ZBTB4: variants seen among roughly 807,000 people sequenced by gnomAD.
The protein encoded by ZBTB4 is zinc finger and BTB domain containing 4, also known as zinc finger and BTB domain-containing protein 4.
Under a neutral mutation model 59.8 loss-of-function variants are expected in ZBTB4, and 14 were observed. The ratio of observed to expected loss-of-function variants is 0.23; its 90% CI spans 0.15 to 0.37. The LOEUF is 0.37. Among genes scored for constraint, ZBTB4 ranks in the 10% least tolerant of loss-of-function variants. The pLI, the probability that ZBTB4 is intolerant of heterozygous loss-of-function variation, is 1.00. For missense variants in ZBTB4, 1,198 were observed against 1,380.8 expected, an observed-to-expected ratio of 0.87 and a Z score of 2.10; for synonymous variants, 587 against 575.2, an observed-to-expected ratio of 1.02 and a Z score of -0.29.
rs558897261 is a variant in ZBTB4 at position 7,462,711 on chromosome 17, G to A, written c.2271C>T (p.Ala757=). Residue 757 remains alanine (A), a synonymous_variant, in exon 4 of 4, where the codon GCC becomes GCT. Coordinates refer to ENST00000380599, the MANE Select transcript of ZBTB4 (RefSeq NM_001128833.2). This position sits in a 1 kb window ranked among gnomAD's most constrained non-coding sequence, Gnocchi z 7.5. ...AHGGGSHSSR[A]GRRPSTRFTC... ...TAAAGCGGGTGGAGGGCCTCCGTCC[G>A]GCCCGGGAGCTGTGGGAGCCCCCAC... is the stretch of plus-strand genomic sequence containing the variant. 45 of 1,604,354 alleles carry A rather than the reference G, an allele frequency of 2.8e-5. No homozygotes were observed. Among genetic ancestry groups the A allele is most frequent in the East Asian group, 1.3e-4 (6 of 44,868 alleles).
rs980532323 is a variant in ZBTB4 at position 7,460,260 on chromosome 17, C to A, written c.*1680G>T. 1 of 152,586 alleles carries A rather than the reference C, an allele frequency of 6.6e-6. No individual in the cohort carries two copies. Among genetic ancestry groups the A allele is most frequent in the Non-Finnish European group, 1.5e-5 (1 of 68,040 alleles). The allele number at this position is 152,586 out of a possible 1,614,324, so 9.5% of individuals were successfully genotyped here. Reference sequence around the variant, plus strand: ...ACAGAGGAGGAATGAAGGAGTGACTCCTCTGTGGTTAACATTCAGGGAGCC... The same window carrying A: ...ACAGAGGAGGAATGAAGGAGTGACTACTCTGTGGTTAACATTCAGGGAGCC... On this transcript the variant is annotated 3_prime_UTR_variant, in exon 4 of 4. Coordinates refer to ENST00000380599, the MANE Select transcript of ZBTB4 (RefSeq NM_001128833.2).
upstream of ZBTB4, among the ~76,000 whole-genome samples, chr17:7,480,677 G>C (rs571422496): frequency 2.6e-5 from 4 of 151,596 alleles, no homozygotes; most frequent in Admixed American, 1.3e-4. Context: ...CCGAGATCTC[G>C]CCACTGCACT....
intron 1 of ZBTB4, among the ~76,000 whole-genome samples, chr17:7,472,294 G>A (rs1349400468): frequency 2.6e-5 from 4 of 151,852 alleles, no homozygotes; most frequent in East Asian, 1.9e-4. Flanking sequence ...GGGTTCAAGC[G>A]ATTCTCCTGC....
upstream of ZBTB4, chr17:7,482,223 A>G: frequency 1.2e-6 from 2 of 1,613,054 alleles, no homozygotes; most frequent in Non-Finnish European, 1.7e-6. Context: ...TGCCTCTTCC[A>G]CCTCCCTATT....
upstream of ZBTB4, chr17:7,482,921 G>T (rs2070366128): frequency 6.2e-7 from 1 of 1,611,918 alleles, no homozygotes; most frequent in African/African-American, 1.3e-5. Flanking sequence ...CATCGTGGGG[G>T]CAGGGGTTGT....
At chr17:7,482,380 T>C, upstream of ZBTB4, 1 of 1,614,028 alleles carries the variant, frequency 6.2e-7, no homozygotes, top group Non-Finnish European at 8.5e-7. Context: ...ACGCTGCCAC[T>C]GTTCGCAAAG....
chr17:7,463,659 T>G lies in ZBTB4; in HGVS notation c.1323A>C (p.Pro441=), dbSNP rs201008672. Residue 441 remains proline, a synonymous_variant, in exon 4 of 4, where the codon CCA becomes CCC. Coordinates refer to ENST00000380599, the MANE Select transcript of ZBTB4 (RefSeq NM_001128833.2). The part of the protein sequence containing the change: ...SQGAPEAPLS[P]TLNTPAPVAM... ...CCACAGGGGCCGGTGTGTTGAGGGT[T>G]GGAGAAAGGGGAGCCTCCGGGGCTC... is the stretch of plus-strand genomic sequence containing the variant. 7 of 1,613,248 alleles carry G rather than the reference T, an allele frequency of 4.3e-6. No homozygotes were observed. Among genetic ancestry groups the G allele is most frequent in the Non-Finnish European group, 5.9e-6 (7 of 1,179,708 alleles).
intron 3 of ZBTB4, among the ~76,000 whole-genome samples, chr17:7,465,111 A>AGG (rs2070097489): frequency 5.7e-5 from 8 of 141,300 alleles, no homozygotes; most frequent in Non-Finnish European, 7.6e-5. Context: ...AGCCGAGATC[A>AGG]CGCCACTGCA....
At chr17:7,465,574 A>G in intron 3 of ZBTB4, 137 bp downstream of exon 3, 2 of 1,386,014 alleles carry the variant, frequency 1.4e-6, no homozygotes, top group South Asian at 3.2e-5. Flanking sequence ...TCAGCTAACC[A>G]CAGTGCTGGG....
intron 1 of ZBTB4, among the ~76,000 whole-genome samples, chr17:7,477,532 C>G (rs905832573): frequency 6.6e-6 from 1 of 152,186 alleles, no homozygotes; most frequent in African/African-American, 2.4e-5. Flanking sequence ...CCAGTGGGGC[C>G]GGGCACAGTA....
chr17:7,466,556 T>C lies in ZBTB4; in HGVS notation c.246A>G (p.Thr82=), dbSNP rs566670173. ...AAGAGGAGGAGGAGGAAGAGGCAGC[T>C]GTGGTGGTGGCAGGGTTGGGTGCGG... ...GGAAPNPATT[T]AASSSSSSSS... Residue 82 remains threonine, a synonymous_variant, in exon 3 of 4, where the codon ACA becomes ACG. Coordinates refer to ENST00000380599, the MANE Select transcript of ZBTB4 (RefSeq NM_001128833.2). The surrounding 1 kb of genome is among the most constrained non-coding windows in gnomAD (Gnocchi z 9.1). The C allele has an allele frequency of 5.9e-5, 95 of 1,612,384 alleles. No homozygotes were observed. In the Middle Eastern group the frequency reaches 6.6e-4, roughly 11 times the overall value.
chr17:7,466,099 G>C lies in ZBTB4; in HGVS notation c.703C>G (p.Pro235Ala). 5 of 1,606,644 alleles carry C rather than the reference G, an allele frequency of 3.1e-6. No individual in the cohort carries two copies. Among genetic ancestry groups the C allele is most frequent in the Non-Finnish European group, 4.3e-6 (5 of 1,175,672 alleles). The change falls in exon 3 of 4, where the codon CCC becomes GCC. Residue 235 changes from proline (P) to alanine (A), a missense_variant. Transcript: ENST00000380599. This position sits in a 1 kb window ranked among gnomAD's most constrained non-coding sequence, Gnocchi z 9.1. ...AAGCTTTTTCCACACTGGGGGCAGG[G>C]GAGGGGCCGCCGGGGCAGGGAGCAC... ...LQCSLPRRPL[P>A]CPQCGKSFIH...
At chr17:7,480,833 T>G (rs995760317), upstream of ZBTB4, among the ~76,000 whole-genome samples, 33 of 151,374 alleles carry the variant, frequency 2.2e-4, no homozygotes, top group Non-Finnish European at 4.3e-4. Context: ...CAGACAAACT[T>G]TGGAGTCATG....
Position 7,466,563 on chromosome 17 carries a change from G to A in ZBTB4, c.239C>T (p.Thr80Ile). Residue 80 changes from threonine (T) to isoleucine (I), a missense_variant, in exon 3 of 4, where the codon ACC (threonine) becomes ATC (isoleucine). This residue lies in a region of ZBTB4 where 83 missense variants were observed against 76.5 expected (regional missense o/e 1.09). Coordinates refer to ENST00000380599, the MANE Select transcript of ZBTB4 (RefSeq NM_001128833.2). The surrounding 1 kb of genome is among the most constrained non-coding windows in gnomAD (Gnocchi z 9.1). ...ATGGAAPNPATTTAASSSSSS... is the reference protein window; with the variant it reads ...ATGGAAPNPAITTAASSSSSS... ...GGAGGAGGAAGAGGCAGCTGTGGTGGTGGCAGGGTTGGGTGCGGCGCCCCC... is the reference window on the plus strand; with the variant it reads ...GGAGGAGGAAGAGGCAGCTGTGGTGATGGCAGGGTTGGGTGCGGCGCCCCC... 8 of 1,613,126 alleles carry A rather than the reference G, an allele frequency of 5.0e-6. No homozygotes were observed. The highest frequency in any genetic ancestry group is 6.8e-6 in the Non-Finnish European group (8 of 1,179,580).
upstream of ZBTB4, chr17:7,481,413 T>G (rs548868429): frequency 1.6e-5 from 22 of 1,361,224 alleles, no homozygotes; most frequent in African/African-American, 3.2e-4. Context: ...TCAGGAGAGT[T>G]CCAGGGAAGA....
intron 3 of ZBTB4, among the ~76,000 whole-genome samples, chr17:7,464,431 G>GAAA (rs55956412): frequency 7.3e-5 from 7 of 96,144 alleles, no homozygotes; most frequent in East Asian, 3.4e-4. Flanking sequence ...GTCAAAAAAA[G>GAAA]AAAAAAAAAA....
intron 2 of ZBTB4, 177 bp downstream of exon 2, chr17:7,467,080 G>C: frequency 1.1e-6 from 1 of 870,372 alleles, no homozygotes. Context: ...GACCTCTGAA[G>C]TCACAGACTA....
chr17:7,480,103 G>C (rs754711726), upstream of ZBTB4, among the ~76,000 whole-genome samples: 30 of 152,092 alleles, frequency 2.0e-4, no homozygotes, highest in Non-Finnish European at 3.4e-4. Context: ...GCGCAGGAAA[G>C]CTCAGCAGGC....
chr17:7,469,315 C>T (rs186359519), intron 1 of ZBTB4, among the ~76,000 whole-genome samples: 11 of 152,178 alleles, frequency 7.2e-5, no homozygotes, highest in East Asian at 1.9e-4. Flanking sequence ...TACAGGCGTC[C>T]GCCGCCATGC....
Sources: gnomAD v4.1 joint callset for allele counts (sites outside exome capture counted in the v4.1 genomes callset) on GRCh38, gnomAD v4.1.1 for gene constraint, gnomAD v4.1.1 regional missense constraint, Gnocchi (gnomAD v3.1) non-coding constraint, MANE v1.5 for transcripts, NCBI Gene and HGNC (gene_info 2026-07-23, HGNC 2026-07-21) for gene names.